LRIG3: variants seen among roughly 807,000 people sequenced by gnomAD.
LRIG3 encodes the protein leucine-rich repeats and immunoglobulin-like domains protein 3.
Under a neutral mutation model 114.5 loss-of-function variants are expected in LRIG3, and 76 were observed. The observed-to-expected ratio is 0.66, with a 90% CI of 0.55 to 0.80. The LOEUF (loss-of-function observed/expected upper bound fraction) is 0.80, where lower values mean the gene tolerates loss of function less well. Ranked by LOEUF, LRIG3 falls within the 30% of genes least tolerant of loss-of-function variation. The pLI is 0.00. For synonymous variants in LRIG3, 512 were observed against 519.8 expected, an observed-to-expected ratio of 0.98 and a Z score of 0.20; for missense variants, 1,239 against 1,382.8, an observed-to-expected ratio of 0.90 and a Z score of 1.65.
intron 3 of LRIG3, among the ~76,000 whole-genome samples, chr12:58,905,673 T>C (rs1003832176): frequency 2.0e-5 from 3 of 152,138 alleles, no homozygotes; most frequent in African/African-American, 7.2e-5. Context: ...GATGAATTAA[T>C]GGTTTAATAG....
At chr12:58,919,403 T>C in intron 1 of LRIG3, 1 of 1,551,472 alleles carries the variant, frequency 6.4e-7, no homozygotes, top group Non-Finnish European at 8.7e-7. Flanking sequence ...GTCTTTACAA[T>C]CTGGTTGAGG....
chr12:58,875,118 G>A (rs1049648679), intron 16 of LRIG3, among the ~76,000 whole-genome samples: 3 of 152,208 alleles, frequency 2.0e-5, no homozygotes, highest in Admixed American at 2.0e-4. Flanking sequence ...GTGGTGGGCT[G>A]AGAGAAAAGC....
At chr12:58,917,912 T>C (rs1872538813) in intron 1 of LRIG3, among the ~76,000 whole-genome samples, 1 of 152,228 alleles carries the variant, frequency 6.6e-6, no homozygotes, top group African/African-American at 2.4e-5. Flanking sequence ...CCACCTATTC[T>C]AAAATACCAA....
chr12:58,894,871 T>C (rs1871585878), intron 3 of LRIG3, among the ~76,000 whole-genome samples: 1 of 152,204 alleles, frequency 6.6e-6, no homozygotes, highest in South Asian at 2.1e-4. Context: ...TCTATGTTTG[T>C]TGATAGTACA....
In LRIG3 at chr12:58,920,360, C is replaced by CGCG; in HGVS notation, c.-126_-125insCGC. 1.6e-6 allele frequency: 1 copy of CGCG among 632,088 alleles called. No individual in the cohort carries two copies. The highest frequency in any genetic ancestry group is 2.3e-6 in the Non-Finnish European group (1 of 427,650). 39.2% of individuals were successfully genotyped at this position (632,088 alleles called of 1,614,324 possible). ...GTCGCGTGCGCGCTCCTCCCTCGCGCTGCCCGGTCAATTCCTTCTTTTACT... is the reference window on the plus strand; with the variant it reads ...GTCGCGTGCGCGCTCCTCCCTCGCGCGCGTGCCCGGTCAATTCCTTCTTTTACT... On this transcript the variant is annotated 5_prime_UTR_variant, in exon 1 of 19. Transcript: ENST00000320743.
Position 58,913,964 on chromosome 12 carries a change from C to T in LRIG3, c.383+18G>A. On this transcript the variant is annotated intron_variant, in intron 3 of 18. Coordinates refer to ENST00000320743, the MANE Select transcript of LRIG3 (RefSeq NM_153377.5). ...TTCCTGCAAACATACATGAGGAATTCTGCTGATATTCACTTACAAGGAGAG... is the reference window on the plus strand; with the variant it reads ...TTCCTGCAAACATACATGAGGAATTTTGCTGATATTCACTTACAAGGAGAG... 2 of 1,603,338 alleles carry T rather than the reference C, an allele frequency of 1.2e-6. No homozygotes were observed. The highest frequency in any genetic ancestry group is 1.7e-6 in the Non-Finnish European group (2 of 1,174,400).
At chr12:58,884,680 G>A (rs968489588) in intron 10 of LRIG3, among the ~76,000 whole-genome samples, 1 of 152,108 alleles carries the variant, frequency 6.6e-6, no homozygotes, top group Admixed American at 6.5e-5. Context: ...GGTGGCTCAC[G>A]ATCCAAGTCT....
chr12:58,900,680 C>A (rs1300469540), intron 3 of LRIG3, among the ~76,000 whole-genome samples: 1 of 152,158 alleles, frequency 6.6e-6, no homozygotes, highest in African/African-American at 2.4e-5. Context: ...GATGATAGTA[C>A]AAACCAGAAA....
chr12:58,889,922 T>C, intron 5 of LRIG3, 74 bp downstream of exon 5: 1 of 1,538,272 alleles, frequency 6.5e-7, no homozygotes, highest in East Asian at 2.3e-5. Context: ...TTTGCCACAT[T>C]GTAGATTTTA....
At chr12:58,889,045 G>T in intron 5 of LRIG3, 83 bp from the exon 6 acceptor site, 2 of 1,289,936 alleles carry the variant, frequency 1.6e-6, no homozygotes, top group Middle Eastern at 2.0e-4. Flanking sequence ...CTACAATATA[G>T]TTCAACCAGT....
In LRIG3 at chr12:58,877,775, C is replaced by T; in HGVS notation, c.2161G>A (p.Gly721Arg). ...GETAVLQCIA[G>R]GSPPPKLNWT... ...TTCAGTTTAGGGGGAGGGCTTCCTC[C>T]AGCAATGCACTGTAGGACGGCTGTT... Residue 721 changes from glycine to arginine, a missense_variant, in exon 15 of 19, where the codon GGA (glycine) becomes AGA (arginine). Transcript: ENST00000320743. 2 of 1,614,160 alleles carry T rather than the reference C, an allele frequency of 1.2e-6. No individual in the cohort carries two copies.
rs576216918 is a variant in LRIG3, at chr12:58,896,050, C to T, written c.384-5254G>A. ...TAAGACACAGAGTGCAGACTAGGGTCCCCCTGTGCTCAGGTGTGAGATGCT... is the reference window on the plus strand; with the variant it reads ...TAAGACACAGAGTGCAGACTAGGGTTCCCCTGTGCTCAGGTGTGAGATGCT... On this transcript the variant is annotated intron_variant, in intron 3 of 18. Coordinates refer to ENST00000320743, the MANE Select transcript of LRIG3 (RefSeq NM_153377.5). Among the ~76,000 whole-genome samples the T allele has an allele frequency of 4.3e-4, 66 of 152,284 alleles. 1 individual carries two copies. Among genetic ancestry groups the T allele is most frequent in the African/African-American group, 1.6e-3 (65 of 41,542 alleles).
intron 7 of LRIG3, 55 bp from the exon 8 acceptor site, chr12:58,887,987 ATT>A: frequency 6.5e-7 from 1 of 1,542,750 alleles, no homozygotes; most frequent in East Asian, 2.3e-5. Context: ...CAACACAATG[ATT>A]TGTTTTCCAA....
In LRIG3 at chr12:58,872,628, GT is replaced by G; in HGVS notation, c.3303del (p.Lys1101AsnfsTer4). ...GGAGTCCTGTAGTTTTCTAAAGTCTGTTTAAAGGTACAAATGTGATTTTCTT... is the reference window on the plus strand; with the variant it reads ...GGAGTCCTGTAGTTTTCTAAAGTCTGTTAAAGGTACAAATGTGATTTTCTT... The part of the protein sequence containing the change: ...FQEENHICTF[K>X]QTLENYRTPN... On this transcript the variant is annotated frameshift_variant, in exon 19 of 19. Transcript: ENST00000320743. LOFTEE classifies it high-confidence loss of function. 2 of 1,614,060 alleles carry G rather than the reference GT, an allele frequency of 1.2e-6. No homozygotes were observed. Among genetic ancestry groups the G allele is most frequent in the Non-Finnish European group, 1.7e-6 (2 of 1,179,962 alleles).
Position 58,879,027 on chromosome 12 carries a change from A to G in LRIG3, c.1880T>C (p.Val627Ala). ...GAMARLECAA[V>A]GHPAPQIAWQ... The stretch of plus-strand genomic sequence containing the variant: ...GGCTATCTGGGGGGCTGGGTGCCCC[A>G]CAGCAGCACACTCCAAGCGTGCCAT... The change falls in exon 14 of 19, where the codon GTG becomes GCG. Residue 627 changes from valine to alanine, a missense_variant. Coordinates refer to ENST00000320743, the MANE Select transcript of LRIG3 (RefSeq NM_153377.5). 1 of 1,614,150 alleles carries G rather than the reference A, an allele frequency of 6.2e-7. No individual in the cohort carries two copies.
In LRIG3 at chr12:58,896,746, T is replaced by C. The variant is rs550502424; in HGVS notation, c.384-5950A>G. ...ACATCCCCTAAGTCCAATTCAGTGA[T>C]TGCAACTAACAAATTGCTGAATCTG... On this transcript the variant is annotated intron_variant, in intron 3 of 18. Transcript: ENST00000320743. Among the ~76,000 whole-genome samples the C allele has an allele frequency of 8.5e-5, 13 of 152,336 alleles. No individual in the cohort carries two copies. In the South Asian group the frequency reaches 1.7e-3, roughly 19 times the overall value.
intron 3 of LRIG3, among the ~76,000 whole-genome samples, chr12:58,893,781 C>T (rs764195840): frequency 6.6e-6 from 1 of 152,182 alleles, no homozygotes; most frequent in African/African-American, 2.4e-5. Context: ...ACTGGAGTCA[C>T]TCTGAAGTGC....
At chr12:58,914,576 G>A in intron 1 of LRIG3, 2 of 457,678 alleles carry the variant, frequency 4.4e-6, no homozygotes, top group Non-Finnish European at 3.9e-6. Flanking sequence ...TTTAAGAGAT[G>A]TTTTTTTGGC....
chr12:58,914,463 A>G (rs1872403283), intron 1 of LRIG3, 127 bp from the exon 2 acceptor site: 2 of 667,502 alleles, frequency 3.0e-6, no homozygotes, highest in African/African-American at 1.8e-5. Context: ...TTCTGTCCAC[A>G]AACTAGATGG....
Sources: gnomAD v4.1 joint callset for allele counts (sites outside exome capture counted in the v4.1 genomes callset) on GRCh38, gnomAD v4.1.1 for gene constraint, MANE v1.5 for transcripts, NCBI Gene and HGNC (gene_info 2026-07-23, HGNC 2026-07-21) for gene names.